MAPK4: variants seen among roughly 807,000 people sequenced by gnomAD.
MAPK4 encodes the protein Erk3-related.
MAPK4 carries 22 observed loss-of-function variants against 47.7 expected under a neutral mutation model. That is an observed-to-expected ratio of 0.46 (90% CI 0.33 to 0.66). The LOEUF (loss-of-function observed/expected upper bound fraction) is 0.66, where lower values mean the gene tolerates loss of function less well. MAPK4 is among the 30% of genes least tolerant of loss of function. MAPK4 has a pLI of 0.02. For missense variants in MAPK4, 736 were observed against 831.7 expected (o/e 0.88, Z 1.42); for synonymous variants, 390 against 365.7 (o/e 1.07, Z -0.76).
intron 2 of MAPK4, among the ~76,000 whole-genome samples, chr18:50,683,656 A>C (rs1486580600): frequency 6.6e-6 from 1 of 152,198 alleles, no homozygotes; most frequent in African/African-American, 2.4e-5. Flanking sequence ...ACTCTAGACA[A>C]GGTTCCTGCC....
chr18:50,570,945 G>A (rs892187957), intron 1 of MAPK4, among the ~76,000 whole-genome samples: 4 of 152,034 alleles, frequency 2.6e-5, no homozygotes, highest in Non-Finnish European at 4.4e-5. Flanking sequence ...GGGTGGTGGC[G>A]GCTTTTATTT....
chr18:50,726,135 AACCAGAGCCAGCTGTCCAACTGGG>A lies in MAPK4; in HGVS notation c.1030_1053del (p.Gln344_Asp351del). On this transcript the variant is annotated inframe_deletion, in exon 5 of 6. Transcript: ENST00000400384. Reference sequence around the variant, plus strand: ...CGACGACATCGTGCTGATGGCCGCTAACCAGAGCCAGCTGTCCAACTGGGACACGTGCAGTTCCAGGTGCTCGCA... The same window carrying A: ...CGACGACATCGTGCTGATGGCCGCTAACACGTGCAGTTCCAGGTGCTCGCA... The A allele has an allele frequency of 6.2e-7, 1 of 1,614,130 alleles. No homozygotes were observed. Among genetic ancestry groups the A allele is most frequent in the Middle Eastern group, 1.6e-4 (1 of 6,062 alleles).
intron 2 of MAPK4, among the ~76,000 whole-genome samples, chr18:50,710,650 G>T (rs1910303853): frequency 1.3e-5 from 2 of 151,270 alleles, no homozygotes; most frequent in South Asian, 2.1e-4. Flanking sequence ...CGTGGTGGCA[G>T]GCACCTGCAG....
At chr18:50,716,513 TA>T (rs1910643604) in intron 3 of MAPK4, among the ~76,000 whole-genome samples, 1 of 152,196 alleles carries the variant, frequency 6.6e-6, no homozygotes, top group Non-Finnish European at 1.5e-5. Flanking sequence ...GCTAACTTTG[TA>T]GAGGCTGGAA....
intron 1 of MAPK4, among the ~76,000 whole-genome samples, chr18:50,661,660 G>A (rs2043173311): frequency 6.6e-6 from 1 of 152,138 alleles, no homozygotes. Context: ...AGCAAATCCG[G>A]CCCTACCCAT....
At chr18:50,694,802 G>C (rs765770862) in intron 2 of MAPK4, among the ~76,000 whole-genome samples, 44 of 152,120 alleles carry the variant, frequency 2.9e-4, no homozygotes, top group Admixed American at 6.6e-4. Flanking sequence ...CAGTGAGAGA[G>C]GAGAGAGCAA....
chr18:50,572,764 A>G (rs2042261076), intron 1 of MAPK4, among the ~76,000 whole-genome samples: 2 of 152,172 alleles, frequency 1.3e-5, no homozygotes, highest in Admixed American at 1.3e-4. Context: ...TTTGCTCTAC[A>G]ATTTGAGTTC....
intron 3 of MAPK4, among the ~76,000 whole-genome samples, chr18:50,717,523 GC>G (rs1417033026): frequency 6.6e-6 from 1 of 151,876 alleles, no homozygotes; most frequent in Non-Finnish European, 1.5e-5. Flanking sequence ...CCTTACCCCA[GC>G]CCCCTTTCAG....
At chr18:50,656,011 C>T (rs1371292194) in intron 1 of MAPK4, among the ~76,000 whole-genome samples, 1 of 152,054 alleles carries the variant, frequency 6.6e-6, no homozygotes, top group Non-Finnish European at 1.5e-5. Flanking sequence ...GTAAGGTTCC[C>T]CTCCTCCCCA....
At chr18:50,611,836 C>T (rs557709849) in intron 1 of MAPK4, among the ~76,000 whole-genome samples, 7 of 152,304 alleles carry the variant, frequency 4.6e-5, no homozygotes, top group Admixed American at 3.3e-4. Context: ...GAGATGATCA[C>T]ACCATTGACA....
intron 1 of MAPK4, among the ~76,000 whole-genome samples, chr18:50,578,061 G>A (rs2042313251): frequency 6.6e-6 from 1 of 152,220 alleles, no homozygotes; most frequent in Admixed American, 6.5e-5. Flanking sequence ...GGGTTCAACA[G>A]AGAGCTCCCT....
intron 1 of MAPK4, among the ~76,000 whole-genome samples, chr18:50,640,750 G>A (rs549821738): frequency 6.6e-6 from 1 of 152,306 alleles, no homozygotes; most frequent in African/African-American, 2.4e-5. Flanking sequence ...ACAGGCATGA[G>A]CCACCGCACC....
chr18:50,571,258 T>A (rs568368536), intron 1 of MAPK4, among the ~76,000 whole-genome samples: 1 of 152,352 alleles, frequency 6.6e-6, no homozygotes, highest in East Asian at 1.9e-4. Context: ...GAAAAATTAG[T>A]CCACCATATT....
chr18:50,614,379 G>C (rs1351040442), intron 1 of MAPK4, among the ~76,000 whole-genome samples: 3 of 151,816 alleles, frequency 2.0e-5, no homozygotes, highest in Non-Finnish European at 4.4e-5. Flanking sequence ...ATTTTAAACA[G>C]TATTTAAAAT....
intron 1 of MAPK4, among the ~76,000 whole-genome samples, chr18:50,601,694 A>G (rs1313530319): frequency 6.6e-6 from 1 of 152,196 alleles, no homozygotes; most frequent in Middle Eastern, 3.2e-3. Context: ...TTGCTGCAGT[A>G]TAGTATCAAT....
chr18:50,673,847 C>T (rs940269454), intron 2 of MAPK4, among the ~76,000 whole-genome samples: 1 of 152,170 alleles, frequency 6.6e-6, no homozygotes, highest in African/African-American at 2.4e-5. Flanking sequence ...CGCAGCAAGA[C>T]TCCGTCTCAA....
rs575350442 is a variant in MAPK4 at position 50,589,424 on chromosome 18, G to A, written c.-871+29181G>A. 3.1e-4 allele frequency among the ~76,000 whole-genome samples: 47 copies of A among 151,982 alleles called. 1 individual carries two copies. In the South Asian group the frequency reaches 8.5e-3, roughly 28 times the overall value. On this transcript the variant is annotated intron_variant, in intron 1 of 5. Transcript: ENST00000400384. ...ATCCTGGCTAACACGGTGAAACCCC[G>A]TCTCTACTAAAAATACAAAAAATTA... is the stretch of plus-strand genomic sequence containing the variant.
At chr18:50,655,112 G>A (rs1201559996) in intron 1 of MAPK4, among the ~76,000 whole-genome samples, 6 of 152,142 alleles carry the variant, frequency 3.9e-5, no homozygotes, top group African/African-American at 9.7e-5. Flanking sequence ...CCCCACAGGC[G>A]TGTTCTTTAG....
At chr18:50,667,585 C>T (rs1455350997) in intron 2 of MAPK4, among the ~76,000 whole-genome samples, 1 of 152,186 alleles carries the variant, frequency 6.6e-6, no homozygotes, top group African/African-American at 2.4e-5. Context: ...TCTCCACTCC[C>T]TTTGAAGAAG....
Sources: gnomAD v4.1 joint callset for allele counts (sites outside exome capture counted in the v4.1 genomes callset) on GRCh38, gnomAD v4.1.1 for gene constraint, MANE v1.5 for transcripts, NCBI Gene and HGNC (gene_info 2026-07-23, HGNC 2026-07-21) for gene names.